IL1RAPL2: variants seen among roughly 807,000 people sequenced by gnomAD.
The protein encoded by IL1RAPL2 is X-linked interleukin-1 receptor accessory protein-like 2.
A neutral mutation model predicts 44.1 loss-of-function variants in IL1RAPL2; 3 were observed. The ratio of observed to expected loss-of-function variants is 0.07; its 90% CI spans 0.03 to 0.18. The LOEUF (loss-of-function observed/expected upper bound fraction) is 0.18, where lower values mean the gene tolerates loss of function less well. Ranked by LOEUF, IL1RAPL2 falls within the 10% of genes least tolerant of loss-of-function variation. IL1RAPL2 has a pLI of 1.00. For synonymous variants in IL1RAPL2, 181 were observed against 178.8 expected, an observed-to-expected ratio of 1.01 and a Z score of -0.10; for missense variants, 391 against 496.4, an observed-to-expected ratio of 0.79 and a Z score of 2.02.
intron 4 of IL1RAPL2, among the ~76,000 whole-genome samples, chrX:105,237,244 T>G (rs2034128244): frequency 8.9e-6 from 1 of 112,348 alleles, no homozygotes; most frequent in Admixed American, 9.4e-5. Flanking sequence ...AGTCTATCAT[T>G]GTTGGACATT....
chrX:104,992,045 G>A (rs957686942), intron 2 of IL1RAPL2, among the ~76,000 whole-genome samples: 1 of 111,445 alleles, frequency 9.0e-6, no homozygotes, highest in African/African-American at 3.3e-5. Flanking sequence ...AGGGAGGCAA[G>A]TGTGGCTTCT....
chrX:104,657,609 A>G (rs1174549956), intron 1 of IL1RAPL2, among the ~76,000 whole-genome samples: 1 of 112,087 alleles, frequency 8.9e-6, no homozygotes, highest in Admixed American at 9.5e-5. Context: ...CAACAAAGCC[A>G]AAATTGACAA....
chrX:105,473,610 A>G (rs189332473), intron 5 of IL1RAPL2, among the ~76,000 whole-genome samples: 1 of 112,308 alleles, frequency 8.9e-6, no homozygotes, highest in Non-Finnish European at 1.9e-5. Flanking sequence ...ACTGAACTTA[A>G]GTGATATTTT....
chrX:105,364,013 G>C (rs1288504884), intron 5 of IL1RAPL2, among the ~76,000 whole-genome samples: 1 of 111,264 alleles, frequency 9.0e-6, no homozygotes, highest in Non-Finnish European at 1.9e-5. Context: ...AATCATTGGA[G>C]CTTTTCCCTG....
chrX:104,641,259 C>T (rs970514501), intron 1 of IL1RAPL2, among the ~76,000 whole-genome samples: 9 of 111,075 alleles, frequency 8.1e-5, no homozygotes, highest in East Asian at 2.8e-4. Flanking sequence ...CAGGTGCCCA[C>T]GGTGGTAGAC....
chrX:105,285,334 T>C (rs901591568), intron 5 of IL1RAPL2, among the ~76,000 whole-genome samples: 1 of 111,852 alleles, frequency 8.9e-6, no homozygotes, highest in African/African-American at 3.2e-5. Context: ...GCCAATGTCT[T>C]TTTTTGGAGC....
intron 5 of IL1RAPL2, among the ~76,000 whole-genome samples, chrX:105,291,004 C>T (rs2034608434): frequency 9.0e-6 from 1 of 111,359 alleles, no homozygotes; most frequent in African/African-American, 3.3e-5. Flanking sequence ...GCCCTTAGCC[C>T]CTCATAAAGG....
intron 2 of IL1RAPL2, among the ~76,000 whole-genome samples, chrX:105,008,140 C>T (rs1167446774): frequency 9.0e-6 from 1 of 110,899 alleles, no homozygotes; most frequent in East Asian, 2.9e-4. Flanking sequence ...ATGTTGGCAT[C>T]TAGTGAGGAT....
chrX:104,991,173 A>G (rs1325303223), intron 2 of IL1RAPL2, among the ~76,000 whole-genome samples: 1 of 111,678 alleles, frequency 9.0e-6, no homozygotes. Context: ...TAGTCTTTAG[A>G]CACACTACTT....
chrX:105,613,027 T>G (rs896895726), intron 6 of IL1RAPL2, among the ~76,000 whole-genome samples: 7 of 110,865 alleles, frequency 6.3e-5, no homozygotes, highest in Non-Finnish European at 1.3e-4. Flanking sequence ...GCTAAGAGAG[T>G]GCTTATACCA....
intron 4 of IL1RAPL2, among the ~76,000 whole-genome samples, chrX:105,248,927 C>A (rs1251347917): frequency 9.0e-6 from 1 of 111,368 alleles, no homozygotes; most frequent in Non-Finnish European, 1.9e-5. Context: ...CTATGGAGAA[C>A]AGTTTGGAGG....
At chrX:105,388,052 G>A (rs2035490457) in intron 5 of IL1RAPL2, among the ~76,000 whole-genome samples, 2 of 102,414 alleles carry the variant, frequency 2.0e-5, no homozygotes, top group Admixed American at 2.2e-4. Flanking sequence ...GGAGGCTGAG[G>A]CAGGAGAATT....
At chrX:105,402,269 C>T (rs938789882) in intron 5 of IL1RAPL2, among the ~76,000 whole-genome samples, 16 of 111,242 alleles carry the variant, frequency 1.4e-4, no homozygotes, top group African/African-American at 4.2e-4. Context: ...CTATGAAAGA[C>T]TCAATTTCAA....
At chrX:105,316,394 C>T (rs772284142) in intron 5 of IL1RAPL2, among the ~76,000 whole-genome samples, 1 of 111,999 alleles carries the variant, frequency 8.9e-6, no homozygotes, top group South Asian at 3.7e-4. Flanking sequence ...ACTGTGTACT[C>T]GTTAGTTATC....
chrX:105,486,523 T>C (rs1272209463), intron 6 of IL1RAPL2, among the ~76,000 whole-genome samples: 1 of 111,086 alleles, frequency 9.0e-6, no homozygotes, highest in Non-Finnish European at 1.9e-5. Flanking sequence ...AATCTAGATA[T>C]GCTGATACCC....
intron 6 of IL1RAPL2, among the ~76,000 whole-genome samples, chrX:105,554,031 G>A (rs1021922010): frequency 1.8e-5 from 2 of 112,759 alleles, no homozygotes; most frequent in Admixed American, 9.3e-5. Flanking sequence ...GATACAACAT[G>A]TCTGGTGTTA....
At chrX:105,380,300 T>C (rs1023971159) in intron 5 of IL1RAPL2, among the ~76,000 whole-genome samples, 2 of 111,651 alleles carry the variant, frequency 1.8e-5, no homozygotes, top group African/African-American at 6.5e-5. Flanking sequence ...TTGCTGAAAC[T>C]ATTGAGAAGC....
At chrX:105,063,407 T>C (rs1415664349) in intron 2 of IL1RAPL2, among the ~76,000 whole-genome samples, 1 of 112,320 alleles carries the variant, frequency 8.9e-6, no homozygotes, top group Non-Finnish European at 1.9e-5. Flanking sequence ...GATTGGTCCC[T>C]AGTGCCTTAT....
At chrX:105,328,760 C>A (rs1342958623) in intron 5 of IL1RAPL2, among the ~76,000 whole-genome samples, 1 of 112,117 alleles carries the variant, frequency 8.9e-6, no homozygotes, top group Non-Finnish European at 1.9e-5. Context: ...TGGACTTCTT[C>A]TATGTTTAGA....
Sources: allele counts gnomAD v4.1 joint callset (sites outside exome capture counted in the v4.1 genomes callset), GRCh38; gene constraint gnomAD v4.1.1; transcripts MANE v1.5; gene names NCBI Gene and HGNC (gene_info 2026-07-23, HGNC 2026-07-21).